AKT3: variants seen among roughly 807,000 people sequenced by gnomAD.
The protein encoded by AKT3 is RAC-gamma serine/threonine-protein kinase.
A neutral mutation model predicts 65.3 loss-of-function variants in AKT3; 15 were observed. The ratio of observed to expected loss-of-function variants is 0.23; its 90% confidence interval spans 0.15 to 0.35. The LOEUF is 0.35. Among genes scored for constraint, AKT3 ranks in the 10% least tolerant of loss-of-function variants. The pLI is 1.00. For synonymous variants in AKT3, 206 were observed against 183.8 expected (o/e 1.12, Z -0.98); for missense variants, 243 against 576.5 (o/e 0.42, Z 5.92).
intron 8 of AKT3, among the ~76,000 whole-genome samples, chr1:243,580,756 C>G (rs1447664229): frequency 6.6e-6 from 1 of 152,194 alleles, no homozygotes; most frequent in Non-Finnish European, 1.5e-5. Flanking sequence ...CTCTGTTCTC[C>G]TGAGATTGTG....
At chr1:243,667,185 C>G (rs1682847313) in intron 3 of AKT3, among the ~76,000 whole-genome samples, 1 of 152,206 alleles carries the variant, frequency 6.6e-6, no homozygotes, top group South Asian at 2.1e-4. Context: ...TGGTTTTCCA[C>G]TGCTATAATT....
At chr1:243,783,773 T>C (rs561219741) in intron 2 of AKT3, among the ~76,000 whole-genome samples, 2 of 152,234 alleles carry the variant, frequency 1.3e-5, no homozygotes, top group South Asian at 4.1e-4. Context: ...TTAGTCAACA[T>C]TTTCAGCAGA....
At chr1:243,595,288 G>A (rs761287616) in intron 8 of AKT3, among the ~76,000 whole-genome samples, 5 of 152,082 alleles carry the variant, frequency 3.3e-5, no homozygotes, top group Admixed American at 6.5e-5. Flanking sequence ...ATTTAAAAAC[G>A]ATATACCTGT....
At chr1:243,822,467 C>CAAA (rs201535118) in intron 2 of AKT3, among the ~76,000 whole-genome samples, 14 of 141,522 alleles carry the variant, frequency 9.9e-5, no homozygotes, top group African/African-American at 3.6e-4. Flanking sequence ...AAAAACCCTT[C>CAAA]AAAAAAAAAA....
intron 2 of AKT3, among the ~76,000 whole-genome samples, chr1:243,725,894 G>C (rs1186792513): frequency 6.6e-6 from 1 of 152,076 alleles, no homozygotes; most frequent in Non-Finnish European, 1.5e-5. Flanking sequence ...CAAAGTAATA[G>C]CTAAAAAGTA....
chr1:243,658,514 T>C (rs1345245814), intron 4 of AKT3, among the ~76,000 whole-genome samples: 2 of 152,142 alleles, frequency 1.3e-5, no homozygotes, highest in Admixed American at 6.5e-5. Flanking sequence ...TTGTACACTA[T>C]TGTTGGGAAT....
chr1:243,751,562 C>T (rs1309554153), intron 2 of AKT3, among the ~76,000 whole-genome samples: 3 of 152,082 alleles, frequency 2.0e-5, no homozygotes, highest in Admixed American at 6.5e-5. Flanking sequence ...GAGAGTCAGA[C>T]AGGATATTCT....
At chr1:243,520,770 T>C (rs1240289008) in intron 12 of AKT3, among the ~76,000 whole-genome samples, 1 of 152,212 alleles carries the variant, frequency 6.6e-6, no homozygotes, top group East Asian at 1.9e-4. Flanking sequence ...ATCAATTTCA[T>C]CTCACTGAAA....
chr1:243,849,387 C>CA (rs1491555127), intron 1 of AKT3, among the ~76,000 whole-genome samples: 114 of 10,070 alleles, frequency 0.011, no homozygotes, highest in Non-Finnish European at 0.043. Context: ...CACACACACA[C>CA]CCCCCCCCCC....
Position 243,575,666 on chromosome 1 carries a change from G to A in AKT3, c.697-2618C>T, listed in dbSNP as rs868041418. 3.9e-5 allele frequency among the ~76,000 whole-genome samples: 6 copies of A among 152,220 alleles called. No homozygotes were observed. The South Asian group carries it at 6.2e-4, about 16-fold the overall frequency. Reference sequence around the variant, plus strand: ...GGCAAAGAGGGATTAATCTGTGCTGGCATCATGTAAGGAGACTTGATAGAT... The same window carrying A: ...GGCAAAGAGGGATTAATCTGTGCTGACATCATGTAAGGAGACTTGATAGAT... On this transcript the variant is annotated intron_variant, in intron 8 of 13. Coordinates refer to ENST00000673466, the MANE Select transcript of AKT3 (RefSeq NM_005465.7).
At chr1:243,652,036 A>G (rs1681378624) in intron 4 of AKT3, among the ~76,000 whole-genome samples, 1 of 140,624 alleles carries the variant, frequency 7.1e-6, no homozygotes, top group Admixed American at 8.1e-5. Context: ...ACATCCTTAG[A>G]GAAAAGAATT....
At chr1:243,686,177 T>G (rs1684276785) in intron 3 of AKT3, among the ~76,000 whole-genome samples, 1 of 152,190 alleles carries the variant, frequency 6.6e-6, no homozygotes. Flanking sequence ...ATGGCCATAC[T>G]GCCCAAAGTA....
At chr1:243,646,752 T>G (rs1437503670) in intron 4 of AKT3, among the ~76,000 whole-genome samples, 1 of 152,146 alleles carries the variant, frequency 6.6e-6, no homozygotes, top group African/African-American at 2.4e-5. Context: ...CCTGAAGATT[T>G]CTATGAGGTC....
At position 243,724,017 on chromosome 1, in the gene AKT3, A is replaced by G. The variant is rs189133014; in HGVS notation, c.47-28301T>C. On this transcript the variant is annotated intron_variant, in intron 2 of 13. Transcript: ENST00000673466. ...GAAACTTCATTTAAAATGCATTCCT[A>G]TGAAATTTATATCCTTATTTTCCGA... Among the ~76,000 whole-genome samples the G allele has an allele frequency of 2.8e-3, 421 of 152,302 alleles. 7 individuals are homozygous for G. Among genetic ancestry groups the G allele is most frequent in the Non-Finnish European group, 1.6e-3 (107 of 68,022 alleles).
chr1:243,490,288 C>T (rs1050405796), intron 13 of AKT3, among the ~76,000 whole-genome samples: 1 of 152,348 alleles, frequency 6.6e-6, no homozygotes, highest in East Asian at 1.9e-4. Context: ...CCTCTACTGT[C>T]CCCATGCTTC....
chr1:243,681,765 T>C (rs1384735569), intron 3 of AKT3, among the ~76,000 whole-genome samples: 1 of 152,156 alleles, frequency 6.6e-6, no homozygotes, highest in Non-Finnish European at 1.5e-5. Flanking sequence ...CGTACTTGCT[T>C]TGAGGTTCTG....
intron 2 of AKT3, among the ~76,000 whole-genome samples, chr1:243,760,048 T>A (rs1207714044): frequency 5.3e-5 from 8 of 152,142 alleles, no homozygotes; most frequent in African/African-American, 1.7e-4. Context: ...GCTTTAAACT[T>A]GGGTTAGGCT....
chr1:243,610,857 A>G (rs757555702), intron 8 of AKT3, among the ~76,000 whole-genome samples: 27 of 152,184 alleles, frequency 1.8e-4, no homozygotes, highest in Non-Finnish European at 3.2e-4. Context: ...TTTAACTTCT[A>G]TTAATGCCCA....
At chr1:243,717,635 C>A (rs1686593937) in intron 2 of AKT3, among the ~76,000 whole-genome samples, 2 of 152,102 alleles carry the variant, frequency 1.3e-5, no homozygotes, top group Admixed American at 6.5e-5. Context: ...CTATAAGCAC[C>A]TGATTAAAGA....
Sources: allele counts gnomAD v4.1 joint callset (sites outside exome capture counted in the v4.1 genomes callset), GRCh38; gene constraint gnomAD v4.1.1; transcripts MANE v1.5; gene names NCBI Gene and HGNC (gene_info 2026-07-23, HGNC 2026-07-21).